ZNF407: variants seen among roughly 807,000 people sequenced by gnomAD.
ZNF407 encodes zinc finger protein 407.
Under a neutral mutation model 131.2 loss-of-function variants are expected in ZNF407, and 17 were observed. The observed-to-expected ratio is 0.13, with a 90% CI of 0.09 to 0.19. The LOEUF is 0.19. Among genes scored for constraint, ZNF407 ranks in the 10% least tolerant of loss-of-function variants. The pLI is 1.00. For missense variants in ZNF407, 2,681 were observed against 2,830.6 expected, an observed-to-expected ratio of 0.95 and a Z score of 1.20; for synonymous variants, 1,156 against 1,062.0, an observed-to-expected ratio of 1.09 and a Z score of -1.72.
chr18:74,883,792 G>A lies in ZNF407; in HGVS notation c.5128+2673G>A, dbSNP rs561623899. Among the ~76,000 whole-genome samples the A allele has an allele frequency of 1.2e-3, 180 of 152,300 alleles. 3 individuals are homozygous for A. The highest frequency in any genetic ancestry group is 6.5e-4 in the Non-Finnish European group (44 of 68,028). ...ATCCTCTGGCTTTCCTTATCAATGG[G>A]GCCTGAGATGCAGTATGTTTCTTAA... On this transcript the variant is annotated intron_variant, in intron 6 of 8. Transcript: ENST00000299687.
chr18:74,980,081 A>G (rs1162300101), intron 8 of ZNF407, among the ~76,000 whole-genome samples: 1 of 151,280 alleles, frequency 6.6e-6, no homozygotes, highest in Non-Finnish European at 1.5e-5. Flanking sequence ...TCTTGCGTAA[A>G]AGCTGCTTCC....
At chr18:74,836,336 T>C (rs529753784) in intron 4 of ZNF407, among the ~76,000 whole-genome samples, 1 of 152,288 alleles carries the variant, frequency 6.6e-6, no homozygotes, top group East Asian at 1.9e-4. Flanking sequence ...ATGTTTAAAA[T>C]CCCCCTACCT....
intron 4 of ZNF407, among the ~76,000 whole-genome samples, chr18:74,860,287 A>AC (rs1970919031): frequency 6.6e-6 from 1 of 151,240 alleles, no homozygotes; most frequent in African/African-American, 2.4e-5. Context: ...GCAAAGCAAG[A>AC]CCCCATCTCT....
At chr18:75,044,319 G>GTT (rs573830403) in intron 8 of ZNF407, among the ~76,000 whole-genome samples, 2 of 149,044 alleles carry the variant, frequency 1.3e-5, no homozygotes, top group Non-Finnish European at 3.0e-5. Context: ...GTTTTGTTGG[G>GTT]TTTTTTTTCT....
At chr18:74,901,885 TCAACA>T (rs1457802370) in intron 7 of ZNF407, among the ~76,000 whole-genome samples, 1 of 150,218 alleles carries the variant, frequency 6.7e-6, no homozygotes, top group Non-Finnish European at 1.5e-5. Flanking sequence ...TAAAAAAGAG[TCAACA>T]CAAGGTTTCA....
At chr18:74,667,195 C>G (rs536745969) in intron 3 of ZNF407, among the ~76,000 whole-genome samples, 3 of 152,346 alleles carry the variant, frequency 2.0e-5, no homozygotes, top group Admixed American at 2.0e-4. Flanking sequence ...GCTGCTGCCT[C>G]TGCTCCTCGT....
At chr18:74,922,651 C>T (rs1971861451) in intron 8 of ZNF407, among the ~76,000 whole-genome samples, 1 of 152,188 alleles carries the variant, frequency 6.6e-6, no homozygotes, top group South Asian at 2.1e-4. Context: ...GGTATCTCTA[C>T]ATTGGTGTAT....
intron 3 of ZNF407, among the ~76,000 whole-genome samples, chr18:74,764,256 TG>T (rs1969177605): frequency 6.6e-6 from 1 of 152,214 alleles, no homozygotes; most frequent in South Asian, 2.1e-4. Context: ...ACAACTAATT[TG>T]TTTTCATTTT....
At chr18:74,724,466 C>T (rs1459579839) in intron 3 of ZNF407, among the ~76,000 whole-genome samples, 11 of 152,146 alleles carry the variant, frequency 7.2e-5, no homozygotes, top group African/African-American at 2.7e-4. Context: ...CCAGTCTCTT[C>T]CCATCTCTTC....
In ZNF407 at chr18:74,865,850, A is replaced by G. The variant is rs966911038; in HGVS notation, c.4878-11347A>G. Among the ~76,000 whole-genome samples the G allele has an allele frequency of 2.6e-5, 4 of 152,228 alleles. No homozygotes were observed. In the East Asian group the frequency reaches 7.7e-4, roughly 29 times the overall value. ...TGCTTGCTCTATGAGGTTTTTCCCA[A>G]TGATACCTCACATATGTGTGTATTC... On this transcript the variant is annotated intron_variant, in intron 4 of 8. Transcript: ENST00000299687.
intron 7 of ZNF407, among the ~76,000 whole-genome samples, chr18:74,915,125 G>A (rs1036456719): frequency 1.3e-5 from 2 of 152,162 alleles, no homozygotes; most frequent in African/African-American, 4.8e-5. Context: ...AAGCTTCTTG[G>A]CTTGTAATAG....
intron 8 of ZNF407, among the ~76,000 whole-genome samples, chr18:74,980,420 T>A (rs1972576572): frequency 6.6e-6 from 1 of 152,112 alleles, no homozygotes; most frequent in South Asian, 2.1e-4. Context: ...TTCCCCTGCC[T>A]CAGCCTCCCG....
At chr18:74,900,454 G>A (rs1405394706) in intron 7 of ZNF407, among the ~76,000 whole-genome samples, 1 of 152,198 alleles carries the variant, frequency 6.6e-6, no homozygotes, top group African/African-American at 2.4e-5. Flanking sequence ...AAAAGGTGGG[G>A]TTTTATTTGC....
intron 4 of ZNF407, among the ~76,000 whole-genome samples, chr18:74,817,385 T>C (rs1301183692): frequency 6.6e-6 from 1 of 152,226 alleles, no homozygotes; most frequent in Non-Finnish European, 1.5e-5. Context: ...AAAGTTTATG[T>C]TGTTCATTTT....
At chr18:74,643,905 C>G (rs1418837692) in intron 3 of ZNF407, among the ~76,000 whole-genome samples, 1 of 151,940 alleles carries the variant, frequency 6.6e-6, no homozygotes, top group South Asian at 2.1e-4. Context: ...CCATTACCCC[C>G]TTTTGCCCTG....
intron 4 of ZNF407, among the ~76,000 whole-genome samples, chr18:74,850,753 A>G (rs1350913042): frequency 6.6e-6 from 1 of 152,044 alleles, no homozygotes; most frequent in East Asian, 1.9e-4. Flanking sequence ...GCAGCCCCTT[A>G]CTTGCTTGAT....
chr18:74,929,097 G>A (rs998617079), intron 8 of ZNF407, among the ~76,000 whole-genome samples: 2 of 151,998 alleles, frequency 1.3e-5, no homozygotes, highest in African/African-American at 2.4e-5. Flanking sequence ...TCAGGCTCCC[G>A]GCTCACTCAT....
At chr18:74,619,594 A>C (rs1297022209) in intron 1 of ZNF407, among the ~76,000 whole-genome samples, 2 of 152,166 alleles carry the variant, frequency 1.3e-5, no homozygotes, top group Non-Finnish European at 2.9e-5. Flanking sequence ...TGGAAAACTT[A>C]ATGAGAAAGG....
chr18:74,900,127 G>A (rs561986524), intron 7 of ZNF407, among the ~76,000 whole-genome samples: 255 of 152,320 alleles, frequency 1.7e-3, no homozygotes, highest in African/African-American at 5.9e-3. Context: ...CATTATTCGT[G>A]ATGGCTAGTA....
Sources: gnomAD v4.1 joint callset for allele counts (sites outside exome capture counted in the v4.1 genomes callset) on GRCh38, gnomAD v4.1.1 for gene constraint, MANE v1.5 for transcripts, NCBI Gene and HGNC (gene_info 2026-07-23, HGNC 2026-07-21) for gene names.